GSE1: variants seen among roughly 807,000 people sequenced by gnomAD.
GSE1 encodes the protein Gse1 coiled-coil protein.
GSE1 carries 32 observed loss-of-function variants against 112.6 expected under a neutral mutation model. That is an observed-to-expected ratio of 0.28 (90% CI 0.21 to 0.38). The LOEUF is 0.38. GSE1 is among the 10% of genes least tolerant of loss of function. The pLI is 1.00. For missense variants in GSE1, 2,348 were observed against 1,699.2 expected (o/e 1.38, Z -6.71); for synonymous variants, 1,115 against 735.6 (o/e 1.52, Z -8.35).
chr16:85,530,053 C>T (rs539906292), intron 2 of GSE1, among the ~76,000 whole-genome samples: 6 of 152,348 alleles, frequency 3.9e-5, no homozygotes, highest in African/African-American at 1.2e-4. Context: ...CCCAGCGTTC[C>T]TGCCCTGATT....
At chr16:85,451,303 T>C (rs1448578172) in intron 2 of GSE1, among the ~76,000 whole-genome samples, 1 of 152,160 alleles carries the variant, frequency 6.6e-6, no homozygotes, top group Non-Finnish European at 1.5e-5. Context: ...TTTTCTGACT[T>C]GATTGTTTCA....
intron 2 of GSE1, among the ~76,000 whole-genome samples, chr16:85,465,952 C>A (rs931293552): frequency 6.6e-6 from 1 of 152,212 alleles, no homozygotes; most frequent in African/African-American, 2.4e-5. Flanking sequence ...GAGTCACATC[C>A]GAAGTCAGTC....
chr16:85,610,930 A>C (rs1192850704), upstream of GSE1, among the ~76,000 whole-genome samples: 2 of 152,220 alleles, frequency 1.3e-5, no homozygotes, highest in Non-Finnish European at 2.9e-5. Flanking sequence ...AAGCCGAGTG[A>C]TGCACCTCCC....
chr16:85,659,598 C>G (rs910821070), intron 8 of GSE1: 1 of 152,214 alleles, frequency 6.6e-6, no homozygotes, highest in Non-Finnish European at 1.5e-5. Context: ...TCAAAACTCC[C>G]GCGCTGATCA....
At chr16:85,491,363 A>C (rs1423743013) in intron 2 of GSE1, among the ~76,000 whole-genome samples, 1 of 152,184 alleles carries the variant, frequency 6.6e-6, no homozygotes, top group Non-Finnish European at 1.5e-5. Context: ...GGAGACAGAC[A>C]GGAAGCTCCC....
At chr16:85,355,162 C>T (rs778945297) in intron 1 of GSE1, among the ~76,000 whole-genome samples, 2 of 152,154 alleles carry the variant, frequency 1.3e-5, no homozygotes, top group Middle Eastern at 3.4e-3. Context: ...TGCGCTTGCC[C>T]GAGGAATTCT....
chr16:85,366,056 G>A (rs374717235), intron 2 of GSE1, among the ~76,000 whole-genome samples: 1 of 152,228 alleles, frequency 6.6e-6, no homozygotes, highest in Non-Finnish European at 1.5e-5. Flanking sequence ...GCCCTGGGAC[G>A]GCTTTTGTCT....
intron 1 of GSE1, among the ~76,000 whole-genome samples, chr16:85,312,212 G>C (rs1038994851): frequency 2.6e-5 from 4 of 151,698 alleles, no homozygotes; most frequent in Non-Finnish European, 5.9e-5. Flanking sequence ...TGCGGGGGGG[G>C]GGGGGACACA....
chr16:85,496,832 C>T (rs1407726117), intron 2 of GSE1, among the ~76,000 whole-genome samples: 3 of 151,966 alleles, frequency 2.0e-5, no homozygotes, highest in Admixed American at 6.5e-5. Flanking sequence ...GTCACTGGCC[C>T]GTTTGGGGCT....
chr16:85,377,013 C>G (rs902771168), intron 2 of GSE1, among the ~76,000 whole-genome samples: 1 of 152,250 alleles, frequency 6.6e-6, no homozygotes, highest in African/African-American at 2.4e-5. Flanking sequence ...TGACCCAGGC[C>G]TGCCTCCCAC....
chr16:85,393,104 A>C (rs2047882624), intron 2 of GSE1, among the ~76,000 whole-genome samples: 1 of 152,100 alleles, frequency 6.6e-6, no homozygotes, highest in Non-Finnish European at 1.5e-5. Context: ...TGCCTCTTGG[A>C]GGTCGGAAGA....
At chr16:85,195,507 A>T (rs567970343) in intron 1 of GSE1, among the ~76,000 whole-genome samples, 133 of 152,294 alleles carry the variant, frequency 8.7e-4, no homozygotes, top group Non-Finnish European at 4.3e-4. Flanking sequence ...ATGGACTTGG[A>T]TGCAGCTCTC....
intron 2 of GSE1, among the ~76,000 whole-genome samples, chr16:85,417,641 G>C (rs1019074124): frequency 6.6e-6 from 1 of 152,244 alleles, no homozygotes; most frequent in African/African-American, 2.4e-5. Flanking sequence ...AGATGTCCCT[G>C]GGTATGGAAG....
At chr16:85,191,300 A>G (rs2074815592) in intron 1 of GSE1, among the ~76,000 whole-genome samples, 1 of 152,234 alleles carries the variant, frequency 6.6e-6, no homozygotes, top group Admixed American at 6.5e-5. Context: ...AAATGTATAT[A>G]TATAAAATAT....
At chr16:85,404,291 A>T (rs1312003137) in intron 2 of GSE1, among the ~76,000 whole-genome samples, 1 of 64,224 alleles carries the variant, frequency 1.6e-5, no homozygotes, top group African/African-American at 7.6e-5. Flanking sequence ...TCACTGTTAC[A>T]CTCAGGCCCC....
chr16:85,473,182 A>G (rs1305928248), intron 2 of GSE1, among the ~76,000 whole-genome samples: 1 of 152,240 alleles, frequency 6.6e-6, no homozygotes, highest in African/African-American at 2.4e-5. Context: ...TGACTGCACC[A>G]TTTGCTGTCC....
intron 2 of GSE1, chr16:85,463,062 C>A: frequency 5.1e-6 from 5 of 981,090 alleles, no homozygotes; most frequent in Non-Finnish European, 6.0e-6. Context: ...CCGGGTCCCG[C>A]GGCCCGGGGG....
intron 1 of GSE1, chr16:85,595,807 C>G (rs893080942): frequency 1.2e-5 from 1 of 85,026 alleles, no homozygotes; most frequent in Non-Finnish European, 2.4e-5. Flanking sequence ...CATTCCCCCA[C>G]CCACCCACCC....
chr16:85,345,276 G>A (rs2046710868), intron 1 of GSE1, among the ~76,000 whole-genome samples: 1 of 152,222 alleles, frequency 6.6e-6, no homozygotes, highest in Non-Finnish European at 1.5e-5. Flanking sequence ...TCAAATTTTA[G>A]TGTCCGTAAA....
Sources: gnomAD v4.1 joint callset for allele counts (sites outside exome capture counted in the v4.1 genomes callset) on GRCh38, gnomAD v4.1.1 for gene constraint, MANE v1.5 for transcripts, NCBI Gene and HGNC (gene_info 2026-07-23, HGNC 2026-07-21) for gene names.